The following KIFAP3 variants were observed in gnomAD, a reference collection of about 807,000 sequenced individuals.
The protein encoded by KIFAP3 is kinesin-associated protein 3.
Under a neutral mutation model 106.5 loss-of-function variants are expected in KIFAP3, and 68 were observed. The observed-to-expected ratio is 0.64, with a 90% CI of 0.53 to 0.78. KIFAP3 has a LOEUF of 0.78. Ranked by LOEUF, KIFAP3 falls within the 30% of genes least tolerant of loss-of-function variation. The pLI is 0.00. For synonymous variants in KIFAP3, 320 were observed against 311.5 expected (o/e 1.03, Z -0.29); for missense variants, 780 against 941.8 (o/e 0.83, Z 2.25).
At chr1:169,958,586 T>C (rs529102320) in intron 18 of KIFAP3, among the ~76,000 whole-genome samples, 10 of 152,278 alleles carry the variant, frequency 6.6e-5, no homozygotes, top group Admixed American at 2.0e-4. Flanking sequence ...CAGAAATACA[T>C]AGGTAGTATG....
chr1:170,001,660 G>A (rs919915381), intron 10 of KIFAP3, among the ~76,000 whole-genome samples: 2 of 152,072 alleles, frequency 1.3e-5, no homozygotes, highest in African/African-American at 2.4e-5. Flanking sequence ...TGAAACAGAT[G>A]TGTGAAATTC....
chr1:169,968,564 C>T (rs903280512), intron 17 of KIFAP3, among the ~76,000 whole-genome samples: 4 of 151,832 alleles, frequency 2.6e-5, no homozygotes, highest in East Asian at 1.9e-4. Context: ...ATTAAAGTTA[C>T]GGTGGTAGCT....
chr1:169,958,634 A>T (rs1175720690), intron 18 of KIFAP3, among the ~76,000 whole-genome samples: 1 of 152,178 alleles, frequency 6.6e-6, no homozygotes, highest in African/African-American at 2.4e-5. Context: ...AGATAGAACA[A>T]ACCATTTTAA....
At chr1:170,069,074 A>T (rs746962962) in intron 1 of KIFAP3, among the ~76,000 whole-genome samples, 5 of 151,932 alleles carry the variant, frequency 3.3e-5, no homozygotes, top group Non-Finnish European at 7.4e-5. Context: ...ATGATTAAAA[A>T]ATTACAAGAG....
chr1:170,071,058 T>C (rs1012359459), intron 1 of KIFAP3, among the ~76,000 whole-genome samples: 15 of 152,160 alleles, frequency 9.9e-5, no homozygotes, highest in Admixed American at 3.3e-4. Context: ...TATCCACTAG[T>C]ATAGTAATAA....
chr1:170,006,082 C>G (rs1667945534), intron 10 of KIFAP3, among the ~76,000 whole-genome samples: 1 of 152,158 alleles, frequency 6.6e-6, no homozygotes, highest in South Asian at 2.1e-4. Flanking sequence ...CAGAACAAAC[C>G]TATTTTATCA....
At chr1:170,001,785 ACACTT>A (rs1389456258) in intron 10 of KIFAP3, among the ~76,000 whole-genome samples, 1 of 152,190 alleles carries the variant, frequency 6.6e-6, no homozygotes. Flanking sequence ...AAAATGGAAA[ACACTT>A]CATTTTGCTT....
chr1:169,981,889 TAC>T, intron 15 of KIFAP3, 81 bp downstream of exon 15: 2 of 1,155,190 alleles, frequency 1.7e-6, no homozygotes, highest in Non-Finnish European at 2.4e-6. Flanking sequence ...AAAAACAGAT[TAC>T]AGACTCTGCA....
chr1:170,069,770 A>G (rs1433841321), intron 1 of KIFAP3, among the ~76,000 whole-genome samples: 1 of 152,064 alleles, frequency 6.6e-6, no homozygotes, highest in African/African-American at 2.4e-5. Context: ...AAGAATGTTT[A>G]TCCACTTTCC....
At chr1:169,921,958 T>C (rs916159860) in intron 19 of KIFAP3, among the ~76,000 whole-genome samples, 177 bp from the exon 20 acceptor site, 1 of 152,122 alleles carries the variant, frequency 6.6e-6, no homozygotes, top group Non-Finnish European at 1.5e-5. Context: ...GTGTATATAA[T>C]AAAATACTTC....
chr1:170,061,913 A>C (rs1671178120), intron 1 of KIFAP3, among the ~76,000 whole-genome samples: 3 of 152,202 alleles, frequency 2.0e-5, no homozygotes, highest in Non-Finnish European at 4.4e-5. Flanking sequence ...TGTCGCAAGG[A>C]CAGAAAGCCA....
At chr1:169,962,138 A>T (rs1378007843) in intron 17 of KIFAP3, among the ~76,000 whole-genome samples, 1 of 151,916 alleles carries the variant, frequency 6.6e-6, no homozygotes, top group Non-Finnish European at 1.5e-5. Context: ...AACAAATATC[A>T]GAATTGAATT....
intron 1 of KIFAP3, among the ~76,000 whole-genome samples, chr1:170,058,552 A>G (rs1670969444): frequency 6.6e-6 from 1 of 152,096 alleles, no homozygotes; most frequent in Admixed American, 6.6e-5. Context: ...CTTAATGGGG[A>G]ACTCTATTCA....
At chr1:170,020,926 T>C (rs958644029) in intron 9 of KIFAP3, among the ~76,000 whole-genome samples, 1 of 152,206 alleles carries the variant, frequency 6.6e-6, no homozygotes, top group Non-Finnish European at 1.5e-5. Flanking sequence ...CTTTGTGAAC[T>C]TGGGTTAGAC....
At chr1:170,060,004 A>G (rs1325778721) in intron 1 of KIFAP3, among the ~76,000 whole-genome samples, 3 of 152,218 alleles carry the variant, frequency 2.0e-5, no homozygotes, top group African/African-American at 7.2e-5. Context: ...TTAGGTATTG[A>G]TGGGACGTAT....
At position 169,973,105 on chromosome 1, in the gene KIFAP3, G is replaced by GTGTGTATATATATATATA. The variant is rs145406203; in HGVS notation, c.1898-508_1898-507insTATATATATATATACACA. ...ATAAAAATAATTTAAAAAATAGTGT[G>GTGTGTATATATATATATA]TATATATATATATATATAAACAACA... On this transcript the variant is annotated intron_variant, in intron 16 of 19. Transcript: ENST00000361580. Among the ~76,000 whole-genome samples, 37 of 90,304 alleles carry GTGTGTATATATATATATA rather than the reference G, an allele frequency of 4.1e-4. 1 individual carries two copies. The highest frequency in any genetic ancestry group is 1.1e-3 in the African/African-American group (23 of 21,880). 59.2% of individuals were successfully genotyped at this position (90,304 alleles called of 152,430 possible). A position where few individuals can be genotyped will look rare whatever the true frequency, so the allele number is the denominator to read the frequency against.
chr1:169,992,456 A>T (rs1032394086), intron 10 of KIFAP3, among the ~76,000 whole-genome samples: 1 of 152,308 alleles, frequency 6.6e-6, no homozygotes, highest in Middle Eastern at 3.4e-3. Context: ...CTAATTTCCA[A>T]GAAAGAATGT....
chr1:170,045,018 G>T (rs1177556824), intron 3 of KIFAP3, among the ~76,000 whole-genome samples: 1 of 152,002 alleles, frequency 6.6e-6, no homozygotes, highest in Non-Finnish European at 1.5e-5. Context: ...CTTATTTTAT[G>T]GCAATATAGT....
chr1:169,972,430 G>C (rs1319485259), intron 17 of KIFAP3, 83 bp downstream of exon 17: 9 of 700,892 alleles, frequency 1.3e-5, no homozygotes, highest in Non-Finnish European at 1.5e-5. Flanking sequence ...TACACTGAAT[G>C]CATTGTTTAA....
Sources: gnomAD v4.1 joint callset for allele counts (sites outside exome capture counted in the v4.1 genomes callset) on GRCh38, gnomAD v4.1.1 for gene constraint, MANE v1.5 for transcripts, NCBI Gene and HGNC (gene_info 2026-07-23, HGNC 2026-07-21) for gene names.